The following FNDC3A variants were observed in gnomAD, a reference collection of about 807,000 sequenced individuals.
FNDC3A encodes fibronectin type-III domain-containing protein 3A.
A neutral mutation model predicts 148.9 loss-of-function variants in FNDC3A; 32 were observed. The observed-to-expected ratio is 0.21, with a 90% CI of 0.16 to 0.29. The LOEUF (loss-of-function observed/expected upper bound fraction) is 0.29. FNDC3A is among the 10% of genes least tolerant of loss of function. The probability of loss-of-function intolerance (pLI) is 1.00; values close to 1 mark genes in which losing one functional copy is unlikely to be tolerated. For missense variants in FNDC3A, 1,191 were observed against 1,452.8 expected (o/e 0.82, Z 2.93); for synonymous variants, 472 against 473.6 (o/e 1.00, Z 0.04).
chr13:49,129,844 A>C (rs1881923078), intron 4 of FNDC3A, among the ~76,000 whole-genome samples: 2 of 152,198 alleles, frequency 1.3e-5, no homozygotes, highest in Admixed American at 6.5e-5. Flanking sequence ...ATTTAGGCTT[A>C]TCTATACCCA....
intron 25 of FNDC3A, among the ~76,000 whole-genome samples, chr13:49,205,116 T>G (rs1886589476): frequency 6.6e-6 from 1 of 152,220 alleles, no homozygotes; most frequent in African/African-American, 2.4e-5. Flanking sequence ...TAAACACTGT[T>G]TTAATGTCAC....
At chr13:48,975,425 A>C (rs1951581114), upstream of FNDC3A, 1 of 152,152 alleles carries the variant, frequency 6.6e-6, no homozygotes, top group Non-Finnish European at 1.5e-5. Flanking sequence ...TGCTATCCAG[A>C]TCCTGGGTTC....
chr13:49,114,241 A>G (rs1880771672), intron 3 of FNDC3A, among the ~76,000 whole-genome samples: 1 of 151,850 alleles, frequency 6.6e-6, no homozygotes, highest in South Asian at 2.1e-4. Flanking sequence ...TTTTTCATTG[A>G]TTTTATATGC....
chr13:49,027,043 A>G (rs1873767012), intron 2 of FNDC3A, among the ~76,000 whole-genome samples: 1 of 152,182 alleles, frequency 6.6e-6, no homozygotes, highest in Non-Finnish European at 1.5e-5. Flanking sequence ...AAGAATGAGT[A>G]TGATGAAATT....
At chr13:49,054,681 A>G (rs1876097856) in intron 2 of FNDC3A, among the ~76,000 whole-genome samples, 1 of 152,174 alleles carries the variant, frequency 6.6e-6, no homozygotes, top group South Asian at 2.1e-4. Flanking sequence ...ACATATATAC[A>G]ACATAGCCAT....
intron 25 of FNDC3A, 152 bp from the exon 26 acceptor site, chr13:49,206,929 A>AAT (rs1437439234): frequency 3.2e-6 from 2 of 620,690 alleles, no homozygotes; most frequent in Non-Finnish European, 5.6e-6. Context: ...AAGTACTTTA[A>AAT]TGGACAGGTA....
At chr13:49,164,422 G>C (rs1421164705) in intron 8 of FNDC3A, among the ~76,000 whole-genome samples, 1 of 152,112 alleles carries the variant, frequency 6.6e-6, no homozygotes, top group Non-Finnish European at 1.5e-5. Flanking sequence ...GACTCTCTGA[G>C]CTTTCTGTGT....
chr13:49,134,801 CTTTT>C (rs528015993), intron 5 of FNDC3A, among the ~76,000 whole-genome samples: 1 of 6,196 alleles, frequency 1.6e-4, no homozygotes, highest in Non-Finnish European at 2.6e-4. Flanking sequence ...TTTTCTTTTC[CTTTT>C]TTTTTTTTTT....
intron 2 of FNDC3A, among the ~76,000 whole-genome samples, chr13:49,038,837 T>C (rs940203454): frequency 6.6e-6 from 1 of 152,216 alleles, no homozygotes; most frequent in Admixed American, 6.5e-5. Context: ...ATCTGTAAAA[T>C]TGATGCCATT....
In FNDC3A at chr13:49,013,483, CAT is replaced by C. The variant is rs1952404542; in HGVS notation, c.99+7195_99+7196del. 3.3e-5 allele frequency among the ~76,000 whole-genome samples: 5 copies of C among 149,836 alleles called. No individual in the cohort carries two copies. In the South Asian group the frequency reaches 1.0e-3, roughly 31 times the overall value. On this transcript the variant is annotated intron_variant, in intron 2 of 25. Transcript: ENST00000492622. Reference sequence around the variant, plus strand: ...GTGTATACATATGTACACGTGTATACATGTATATACATGTACATGCGTATACA... The same window carrying C: ...GTGTATACATATGTACACGTGTATACGTATATACATGTACATGCGTATACA...
intron 3 of FNDC3A, among the ~76,000 whole-genome samples, chr13:49,085,675 A>G (rs1391043161): frequency 1.3e-5 from 2 of 152,188 alleles, no homozygotes; most frequent in Non-Finnish European, 2.9e-5. Flanking sequence ...AATCACAATA[A>G]AACTTTAAAG....
intron 7 of FNDC3A, among the ~76,000 whole-genome samples, chr13:49,142,259 A>G (rs917475322): frequency 1.3e-5 from 2 of 152,164 alleles, no homozygotes; most frequent in Non-Finnish European, 2.9e-5. Context: ...CTGCTTGTCT[A>G]TACTATTTTA....
intron 5 of FNDC3A, among the ~76,000 whole-genome samples, chr13:49,134,404 A>G (rs1882211118): frequency 1.3e-5 from 2 of 152,216 alleles, no homozygotes; most frequent in South Asian, 4.1e-4. Context: ...CTGCAATAAT[A>G]TTGCATTCTG....
rs767366002 is a variant in FNDC3A at position 49,131,164 on chromosome 13, G to A, written c.280G>A (p.Val94Ile). 1.2e-6 allele frequency: 2 copies of A among 1,613,758 alleles called. No individual in the cohort carries two copies. Among genetic ancestry groups the A allele is most frequent in the African/African-American group, 1.3e-5 (1 of 74,918 alleles). The change falls in exon 5 of 26, where the codon GTT becomes ATT. Residue 94 changes from valine (V) to isoleucine (I), a missense_variant. Val to Ile is a conservative substitution (Grantham distance 29). Transcript: ENST00000492622. ...TATTGAAGACAATGGTGTTCGAAGA[G>A]TTGTCGTGGTCCCTCAGGCACCAGA... ...QVIEDNGVRR[V>I]VVVPQAPEFH...
In FNDC3A at chr13:49,121,322, A is replaced by C. The variant is rs142302133; in HGVS notation, c.252+6591A>C. On this transcript the variant is annotated intron_variant, in intron 4 of 25. Coordinates refer to ENST00000492622, the MANE Select transcript of FNDC3A (RefSeq NM_001079673.2). ...TGAGAACAAAGACACAACATACCGGAATCTTTGGGACACATTTAAAGCAGT... is the reference window on the plus strand; with the variant it reads ...TGAGAACAAAGACACAACATACCGGCATCTTTGGGACACATTTAAAGCAGT... Among the ~76,000 whole-genome samples, 396 of 152,332 alleles carry C rather than the reference A, an allele frequency of 2.6e-3. 9 individuals carry two copies. The East Asian group carries it at 0.041, about 16-fold the overall frequency.
At chr13:48,991,947 T>C (rs1951927832) in intron 1 of FNDC3A, among the ~76,000 whole-genome samples, 1 of 152,214 alleles carries the variant, frequency 6.6e-6, no homozygotes, top group Non-Finnish European at 1.5e-5. Flanking sequence ...CAAAGCCTAT[T>C]TTATAATAAA....
chr13:49,028,296 A>G (rs1308151262), intron 2 of FNDC3A, among the ~76,000 whole-genome samples: 1 of 152,056 alleles, frequency 6.6e-6, no homozygotes, highest in African/African-American at 2.4e-5. Context: ...GTCTTGCTCT[A>G]TCACCAGGCT....
At chr13:49,097,773 C>A (rs1384659168) in intron 3 of FNDC3A, among the ~76,000 whole-genome samples, 1 of 151,998 alleles carries the variant, frequency 6.6e-6, no homozygotes. Context: ...TATGATTACT[C>A]ATAAGCCATC....
rs1017328322 is a variant in FNDC3A, at chr13:49,202,074, C to T, written c.3154+108C>T. ...TAAAATTTAGCATCCAGTATATGTCCACCAGTTATACAAAATCGTATAGGC... is the reference window on the plus strand; with the variant it reads ...TAAAATTTAGCATCCAGTATATGTCTACCAGTTATACAAAATCGTATAGGC... On this transcript the variant is annotated intron_variant, in intron 24 of 25. Transcript: ENST00000492622. 2.0e-4 allele frequency: 130 copies of T among 651,308 alleles called. No individual in the cohort carries two copies. In the East Asian group the frequency reaches 4.2e-3, roughly 21 times the overall value. The allele number at this position is 651,308 out of a possible 1,614,324, so 40.3% of individuals were successfully genotyped here. A position where few individuals can be genotyped will look rare whatever the true frequency, so the allele number is the denominator to read the frequency against.
Sources: allele counts gnomAD v4.1 joint callset (sites outside exome capture counted in the v4.1 genomes callset), GRCh38; gene constraint gnomAD v4.1.1; transcripts MANE v1.5; gene names NCBI Gene and HGNC (gene_info 2026-07-23, HGNC 2026-07-21).